The following MOB3B variants were observed in gnomAD, a reference collection of about 807,000 sequenced individuals.
MOB3B encodes the protein MOB kinase activator-like 2B.
In MOB3B, 7 loss-of-function variants were observed where a neutral mutation model predicts 18.7. That is an observed-to-expected ratio of 0.37 (90% CI 0.21 to 0.70). The LOEUF (loss-of-function observed/expected upper bound fraction) is 0.70. Ranked by LOEUF, MOB3B falls within the 30% of genes least tolerant of loss-of-function variation. MOB3B has a pLI of 0.52. For missense variants in MOB3B, 253 were observed against 281.3 expected (o/e 0.90, Z 0.72); for synonymous variants, 111 against 99.9 (o/e 1.11, Z -0.66).
At chr9:27,358,849 T>A (rs746390109) in intron 3 of MOB3B, 185 bp downstream of exon 3, 2 of 764,520 alleles carry the variant, frequency 2.6e-6, no homozygotes, top group African/African-American at 3.4e-5. Context: ...GGACACTTAT[T>A]TGGTGACAGT....
intron 1 of MOB3B, among the ~76,000 whole-genome samples, chr9:27,510,575 T>C (rs1009836491): frequency 6.6e-6 from 1 of 152,224 alleles, no homozygotes; most frequent in African/African-American, 2.4e-5. Flanking sequence ...CAAGATATTG[T>C]AGGCTTTTCA....
rs1199450588 is a variant in MOB3B, at chr9:27,329,410, G to A, written c.*1177C>T. The A allele has an allele frequency of 6.6e-6, 1 of 152,192 alleles. No homozygotes were observed. Among genetic ancestry groups the A allele is most frequent in the Admixed American group, 6.5e-5 (1 of 15,276 alleles). 9.4% of individuals were successfully genotyped at this position (152,192 alleles called of 1,614,324 possible). A position where few individuals can be genotyped will look rare whatever the true frequency, so the allele number is the denominator to read the frequency against. Reference sequence around the variant, plus strand: ...AATAGAAAAATTGGAAAGGATGAAAGAAGGAAGTTAGCTCCAGCTCCACTG... The same window carrying A: ...AATAGAAAAATTGGAAAGGATGAAAAAAGGAAGTTAGCTCCAGCTCCACTG... On this transcript the variant is annotated 3_prime_UTR_variant, in exon 4 of 4. Coordinates refer to ENST00000262244, the MANE Select transcript of MOB3B (RefSeq NM_024761.5).
rs113941855 is a variant in MOB3B at position 27,344,551 on chromosome 9, G to A, written c.622-13935C>T. Among the ~76,000 whole-genome samples the A allele has an allele frequency of 9.3e-4, 141 of 152,330 alleles. 1 individual carries two copies. The highest frequency in any genetic ancestry group is 3.3e-3 in the South Asian group (16 of 4,832). On this transcript the variant is annotated intron_variant, in intron 3 of 3. Transcript: ENST00000262244. Reference sequence around the variant, plus strand: ...CTATGAAGATTCCTCTGCAGTATACGTACAAAGGCTGTCGTAGCCGTCAGG... The same window carrying A: ...CTATGAAGATTCCTCTGCAGTATACATACAAAGGCTGTCGTAGCCGTCAGG...
At chr9:27,337,212 G>T (rs1363103283) in intron 3 of MOB3B, among the ~76,000 whole-genome samples, 1 of 152,262 alleles carries the variant, frequency 6.6e-6, no homozygotes. Flanking sequence ...CAAGGCTAAG[G>T]CCCTCTAGGG....
intron 2 of MOB3B, among the ~76,000 whole-genome samples, chr9:27,430,986 A>G (rs1822409160): frequency 6.6e-6 from 1 of 152,022 alleles, no homozygotes. Context: ...TTAAAGCCCC[A>G]AGAATTTGGC....
chr9:27,406,674 G>A (rs1193163264), intron 2 of MOB3B, among the ~76,000 whole-genome samples: 1 of 152,170 alleles, frequency 6.6e-6, no homozygotes, highest in East Asian at 1.9e-4. Flanking sequence ...GGGAAGACTA[G>A]ATATCCATAT....
intron 3 of MOB3B, among the ~76,000 whole-genome samples, chr9:27,341,877 A>G (rs1381229738): frequency 6.6e-6 from 1 of 152,196 alleles, no homozygotes; most frequent in African/African-American, 2.4e-5. Flanking sequence ...CTTTTTTTCT[A>G]TATCAGGGAC....
intron 3 of MOB3B, among the ~76,000 whole-genome samples, chr9:27,337,890 A>G (rs903963397): frequency 3.9e-5 from 6 of 152,078 alleles, no homozygotes; most frequent in Non-Finnish European, 7.4e-5. Context: ...ATGAAAACCA[A>G]CTGTTCTCTC....
intron 2 of MOB3B, among the ~76,000 whole-genome samples, chr9:27,408,972 C>T (rs549780928): frequency 3.9e-5 from 6 of 152,302 alleles, no homozygotes; most frequent in African/African-American, 1.4e-4. Context: ...GGTATACCAA[C>T]TACCATTTAC....
Position 27,487,396 on chromosome 9 carries a change from G to A in MOB3B, c.-198-31648C>T, listed in dbSNP as rs372482945. On this transcript the variant is annotated intron_variant, in intron 1 of 3. Coordinates refer to ENST00000262244, the MANE Select transcript of MOB3B (RefSeq NM_024761.5). ...AAGCTTTATTACCCTGGAATCAGCC[G>A]TCTCTGGAGGGGAGGATAGGCATGT... 1.2e-3 allele frequency among the ~76,000 whole-genome samples: 190 copies of A among 152,046 alleles called. 1 individual carries two copies. In the South Asian group the frequency reaches 0.02, roughly 16 times the overall value.
At chr9:27,479,356 C>A (rs538013608) in intron 1 of MOB3B, among the ~76,000 whole-genome samples, 15 of 152,252 alleles carry the variant, frequency 9.9e-5, no homozygotes, top group Admixed American at 2.6e-4. Flanking sequence ...GAGGGCAGAA[C>A]CTTCAGGACC....
rs1239344825 is a variant in MOB3B, at chr9:27,416,591, C to T, written c.418+38542G>A. 1.6e-4 allele frequency among the ~76,000 whole-genome samples: 19 copies of T among 119,748 alleles called. No homozygotes were observed. In the Admixed American group the frequency reaches 2.1e-3, roughly 13 times the overall value. The allele number at this position is 119,748 out of a possible 152,430, so 78.6% of individuals were successfully genotyped here. On this transcript the variant is annotated intron_variant, in intron 2 of 3. Coordinates refer to ENST00000262244, the MANE Select transcript of MOB3B (RefSeq NM_024761.5). ...TTTTTGAGATAGGGTCTTGCTCTGT[C>T]ATCTAGTCTGGAGTGGAATGCCTTG...
chr9:27,413,419 G>C (rs1445898223), intron 2 of MOB3B, among the ~76,000 whole-genome samples: 3 of 152,094 alleles, frequency 2.0e-5, no homozygotes, highest in Non-Finnish European at 4.4e-5. Flanking sequence ...AAAGAACAAA[G>C]GGAGGACCAC....
intron 2 of MOB3B, among the ~76,000 whole-genome samples, chr9:27,385,150 G>A (rs1484576609): frequency 2.0e-5 from 3 of 152,212 alleles, no homozygotes; most frequent in East Asian, 1.9e-4. Context: ...AGGGTCTTTA[G>A]AAGTCATTTG....
At chr9:27,341,166 C>G (rs891531981) in intron 3 of MOB3B, among the ~76,000 whole-genome samples, 1 of 152,306 alleles carries the variant, frequency 6.6e-6, no homozygotes, top group African/African-American at 2.4e-5. Flanking sequence ...ACCGGAAACT[C>G]CAGGTTAGGT....
At chr9:27,450,078 C>T (rs1332168040) in intron 2 of MOB3B, among the ~76,000 whole-genome samples, 3 of 151,920 alleles carry the variant, frequency 2.0e-5, no homozygotes, top group Admixed American at 2.0e-4. Context: ...CTATGGTTGA[C>T]TTGTTTTTAT....
chr9:27,518,701 A>G (rs1820277432), intron 1 of MOB3B, among the ~76,000 whole-genome samples: 1 of 152,190 alleles, frequency 6.6e-6, no homozygotes, highest in South Asian at 2.1e-4. Context: ...GAGCCCCTCT[A>G]AGGTTGATAA....
At chr9:27,491,541 C>A (rs1819820198) in intron 1 of MOB3B, among the ~76,000 whole-genome samples, 1 of 152,132 alleles carries the variant, frequency 6.6e-6, no homozygotes, top group Admixed American at 6.5e-5. Context: ...ATCAACCATT[C>A]TTTTTCCATA....
intron 2 of MOB3B, among the ~76,000 whole-genome samples, chr9:27,408,276 G>C (rs1822016969): frequency 6.6e-6 from 1 of 152,214 alleles, no homozygotes; most frequent in Non-Finnish European, 1.5e-5. Flanking sequence ...CTGTGGAGTT[G>C]ATGAAGCAGG....
Sources: gnomAD v4.1 joint callset for allele counts (sites outside exome capture counted in the v4.1 genomes callset) on GRCh38, gnomAD v4.1.1 for gene constraint, MANE v1.5 for transcripts, NCBI Gene and HGNC (gene_info 2026-07-23, HGNC 2026-07-21) for gene names.